The following H6PD variants were observed in gnomAD, a reference collection of about 807,000 sequenced individuals.
H6PD encodes GDH/6PGL endoplasmic bifunctional protein.
H6PD carries 48 observed loss-of-function variants against 61.2 expected under a neutral mutation model. The observed-to-expected ratio is 0.78, with a 90% CI of 0.62 to 1.00. The LOEUF is 1.00. Ranked by LOEUF, H6PD falls within the 50% of genes least tolerant of loss-of-function variation. The probability of loss-of-function intolerance (pLI) is 0.00; values close to 1 mark genes in which losing one functional copy is unlikely to be tolerated. For synonymous variants in H6PD, 480 were observed against 457.9 expected, an observed-to-expected ratio of 1.05 and a Z score of -0.62; for missense variants, 1,093 against 1,065.0, an observed-to-expected ratio of 1.03 and a Z score of -0.37.
At chr1:9,253,559 A>T (rs1012215178) in intron 3 of H6PD, among the ~76,000 whole-genome samples, 5 of 152,206 alleles carry the variant, frequency 3.3e-5, no homozygotes, top group African/African-American at 9.7e-5. Context: ...GTGGAACTGG[A>T]AACCCTTTTC....
intron 3 of H6PD, among the ~76,000 whole-genome samples, chr1:9,247,336 G>A (rs1219744322): frequency 1.3e-5 from 2 of 152,198 alleles, no homozygotes; most frequent in Non-Finnish European, 2.9e-5. Flanking sequence ...CCACTGGCAC[G>A]CGGTAGAGGC....
At position 9,268,792 on chromosome 1, in the gene H6PD, A is replaced by G. The variant is rs980992715; in HGVS notation, c.*3923A>G. The G allele has an allele frequency of 1.3e-5, 2 of 152,110 alleles. No homozygotes were observed. The highest frequency in any genetic ancestry group is 4.8e-5 in the African/African-American group (2 of 41,418). 9.4% of individuals were successfully genotyped at this position (152,110 alleles called of 1,614,324 possible). ...AAAATATGCAGGGCTCAGGCTCCCA[A>G]TTCCGGGCCTGTCTGCTTTGCTTGT... On this transcript the variant is annotated 3_prime_UTR_variant, in exon 5 of 5. Coordinates refer to ENST00000377403, the MANE Select transcript of H6PD (RefSeq NM_004285.4).
rs561393382 is a variant in H6PD at position 9,264,824 on chromosome 1, C to A, written c.2331C>A (p.Ser777=). The A allele has an allele frequency of 6.2e-7, 1 of 1,612,640 alleles. No individual in the cohort carries two copies. The highest frequency in any genetic ancestry group is 1.3e-5 in the African/African-American group (1 of 75,040). ...KWPISGVLPH[S]GQLVWYMDYD... ...CCATCTCGGGTGTCCTGCCGCACTC[C>A]GGCCAGCTGGTGTGGTACATGGACT... The change falls in exon 5 of 5, where the codon TCC becomes TCA. Residue 777 remains serine, a synonymous_variant. Coordinates refer to ENST00000377403, the MANE Select transcript of H6PD (RefSeq NM_004285.4).
rs774515572 is a variant in H6PD at position 9,264,209 on chromosome 1, G to A, written c.1716G>A (p.Glu572=). The A allele has an allele frequency of 3.7e-5, 59 of 1,610,726 alleles. No individual in the cohort carries two copies. In the East Asian group the frequency reaches 1.2e-3, roughly 32 times the overall value. The change falls in exon 5 of 5, where the codon GAG becomes GAA. Residue 572 remains glutamate (E), a synonymous_variant. Coordinates refer to ENST00000377403, the MANE Select transcript of H6PD (RefSeq NM_004285.4). The stretch of plus-strand genomic sequence containing the variant: ...TCTCTAAGCTGGCTAATGACATCGA[G>A]GCCACCGCTGTGCGAGCCGTGCGGC... ...ELISKLANDI[E]ATAVRAVRRF... is the part of the protein sequence containing the mutation.
intron 3 of H6PD, among the ~76,000 whole-genome samples, chr1:9,258,773 T>G (rs573045109): frequency 1.1e-4 from 16 of 147,900 alleles, no homozygotes; most frequent in African/African-American, 3.5e-4. Flanking sequence ...TATGCTGGTG[T>G]TGTTATGTTG....
At chr1:9,261,648 C>G (rs1638299368) in intron 3 of H6PD, among the ~76,000 whole-genome samples, 1 of 152,192 alleles carries the variant, frequency 6.6e-6, no homozygotes, top group South Asian at 2.1e-4. Context: ...TAGTAAGTGG[C>G]AGTCATACTC....
chr1:9,237,107 A>G (rs772471880), intron 1 of H6PD, among the ~76,000 whole-genome samples: 2 of 152,244 alleles, frequency 1.3e-5, no homozygotes, highest in African/African-American at 2.4e-5. Context: ...AATGTAATAC[A>G]GTGTTTTACA....
At chr1:9,260,067 C>T (rs544815683) in intron 3 of H6PD, among the ~76,000 whole-genome samples, 16 of 150,932 alleles carry the variant, frequency 1.1e-4, no homozygotes, top group Admixed American at 5.3e-4. Flanking sequence ...GTTGTTACTC[C>T]GGTGTTGTTA....
rs190901687 is a variant in H6PD, at chr1:9,255,798, G to T, written c.746-6261G>T. Among the ~76,000 whole-genome samples, 682 of 152,216 alleles carry T rather than the reference G, an allele frequency of 4.5e-3. 3 individuals carry two copies. The highest frequency in any genetic ancestry group is 6.8e-3 in the Middle Eastern group (2 of 294). ...TTACTCCATCCTTTTCGCTTTTGCT[G>T]GCCCCGGTAGGCATTGGAATCTCTG... On this transcript the variant is annotated intron_variant, in intron 3 of 4. Coordinates refer to ENST00000377403, the MANE Select transcript of H6PD (RefSeq NM_004285.4).
chr1:9,264,452 C>T lies in H6PD; in HGVS notation c.1959C>T (p.Pro653=). 5 of 1,613,304 alleles carry T rather than the reference C, an allele frequency of 3.1e-6. No homozygotes were observed. Among genetic ancestry groups the T allele is most frequent in the Non-Finnish European group, 4.2e-6 (5 of 1,179,984 alleles). Residue 653 remains proline (P), a synonymous_variant, in exon 5 of 5, where the codon CCC becomes CCT. Transcript: ENST00000377403. ...HVRIPYYNIH[P]MPVHLQQRLC... Reference sequence around the variant, plus strand: ...GGATCCCCTACTACAACATCCACCCCATGCCTGTGCACCTGCAGCAGCGGC... The same window carrying T: ...GGATCCCCTACTACAACATCCACCCTATGCCTGTGCACCTGCAGCAGCGGC...
chr1:9,235,682 T>C (rs968391999), intron 1 of H6PD, among the ~76,000 whole-genome samples: 2 of 152,176 alleles, frequency 1.3e-5, no homozygotes, highest in South Asian at 4.1e-4. Context: ...ACAAACACGG[T>C]TCCCTGCAGC....
chr1:9,251,445 T>C (rs796068645), intron 3 of H6PD, among the ~76,000 whole-genome samples: 32,524 of 100,684 alleles, frequency 0.32, 3,726 homozygotes, highest in East Asian at 0.47. Flanking sequence ...GCTGTTGTTG[T>C]TGTTGTTGTT....
chr1:9,269,937 G>A lies in H6PD; in HGVS notation c.*5068G>A, dbSNP rs1638695750. 1 of 152,558 alleles carries A rather than the reference G, an allele frequency of 6.6e-6. No homozygotes were observed. 9.5% of individuals were successfully genotyped at this position (152,558 alleles called of 1,614,324 possible). ...GCTGAGGATCTCGCAGCTTGTTGCT[G>A]AGCAAGGTGCAACCGGGCTCATGCT... On this transcript the variant is annotated 3_prime_UTR_variant, in exon 5 of 5. Transcript: ENST00000377403. This position sits in a 1 kb window ranked among gnomAD's most constrained non-coding sequence, Gnocchi z 4.3.
In H6PD at chr1:9,234,813, A is replaced by AGGCCTGAGGCCTGG. The variant is rs1553182795; in HGVS notation, c.-258_-257insAGGCCTGGGGCCTG. 1 of 147,058 alleles carries AGGCCTGAGGCCTGG rather than the reference A, an allele frequency of 6.8e-6. No homozygotes were observed. Among genetic ancestry groups the AGGCCTGAGGCCTGG allele is most frequent in the African/African-American group, 2.5e-5 (1 of 40,754 alleles). The allele number at this position is 147,058 out of a possible 1,614,324, so 9.1% of individuals were successfully genotyped here. Reference sequence around the variant, plus strand: ...CAAGGCGGTGGAGGCCTGAGGCCTGAGGCCTGGGGCGGGGTGGCGGCCGGG... The same window carrying AGGCCTGAGGCCTGG: ...CAAGGCGGTGGAGGCCTGAGGCCTGAGGCCTGAGGCCTGGGGCCTGGGGCGGGGTGGCGGCCGGG... On this transcript the variant is annotated 5_prime_UTR_variant, in exon 1 of 5. Coordinates refer to ENST00000377403, the MANE Select transcript of H6PD (RefSeq NM_004285.4).
Position 9,264,934 on chromosome 1 carries a change from C to A in H6PD, c.*65C>A. On this transcript the variant is annotated 3_prime_UTR_variant, in exon 5 of 5. Coordinates refer to ENST00000377403, the MANE Select transcript of H6PD (RefSeq NM_004285.4). ...CCTTCGCCCGTGTCTTCCCTCCCTT[C>A]TCGGCCCCGCCACCTGCCCAGCGTG... 1.3e-6 allele frequency: 2 copies of A among 1,565,460 alleles called. No individual in the cohort carries two copies. The highest frequency in any genetic ancestry group is 1.7e-6 in the Non-Finnish European group (2 of 1,149,878).
chr1:9,260,451 G>GGTGTTATGTTGTTACACCA (rs1488309918), intron 3 of H6PD, among the ~76,000 whole-genome samples: 1 of 151,694 alleles, frequency 6.6e-6, no homozygotes, highest in East Asian at 1.9e-4. Flanking sequence ...TTGTTATGCT[G>GGTGTTATGTTGTTACACCA]GTGTTATGTT....
At chr1:9,262,428 G>A in intron 4 of H6PD, 100 bp downstream of exon 4, 1 of 1,146,516 alleles carries the variant, frequency 8.7e-7, no homozygotes, top group African/African-American at 1.5e-5. Flanking sequence ...GGGACTTGAG[G>A]TGGGATTTCC....
intron 3 of H6PD, among the ~76,000 whole-genome samples, chr1:9,258,652 C>T (rs114638636): frequency 0.013 from 1,862 of 145,668 alleles, 39 homozygotes; most frequent in African/African-American, 0.049. Context: ...AGTGTTATGC[C>T]GGTGTTGTTT....
At chr1:9,250,337 AG>A (rs1450353502) in intron 3 of H6PD, among the ~76,000 whole-genome samples, 1 of 151,750 alleles carries the variant, frequency 6.6e-6, no homozygotes, top group Non-Finnish European at 1.5e-5. Context: ...TGCTAATCAG[AG>A]GGGTCAAAGT....
Sources: gnomAD v4.1 joint callset for allele counts (sites outside exome capture counted in the v4.1 genomes callset) on GRCh38, gnomAD v4.1.1 for gene constraint, Gnocchi (gnomAD v3.1) non-coding constraint, MANE v1.5 for transcripts, NCBI Gene and HGNC (gene_info 2026-07-23, HGNC 2026-07-21) for gene names.